The following TTLL12 variants were observed in gnomAD, a reference collection of about 807,000 sequenced individuals.
TTLL12 encodes the protein tubulin--tyrosine ligase-like protein 12.
In TTLL12, 77 loss-of-function variants were observed where a neutral mutation model predicts 79.6. The observed-to-expected ratio is 0.97, with a 90% CI of 0.81 to 1.17. The LOEUF is 1.17. TTLL12 is among the 50% of genes most tolerant of loss of function. TTLL12 has a pLI of 0.00. For missense variants in TTLL12, 969 were observed against 895.9 expected (o/e 1.08, Z -1.04); for synonymous variants, 437 against 376.1 (o/e 1.16, Z -1.87).
intron 11 of TTLL12, chr22:43,170,276 G>T: frequency 3.7e-6 from 1 of 272,992 alleles, no homozygotes; most frequent in Non-Finnish European, 7.2e-6. Context: ...GCCCTGCTGG[G>T]GGGTCTGGGT....
In TTLL12 at chr22:43,182,471, T is replaced by C. The variant is rs569299567; in HGVS notation, c.347+509A>G. Among the ~76,000 whole-genome samples, 18 of 152,282 alleles carry C rather than the reference T, an allele frequency of 1.2e-4. 1 individual carries two copies. The South Asian group carries it at 2.7e-3, about 23-fold the overall frequency. Reference sequence around the variant, plus strand: ...GGCAGATGGGCCTGCAGGCCTGACCTAGGGATAGCCACTCTTGGTCCCTGG... The same window carrying C: ...GGCAGATGGGCCTGCAGGCCTGACCCAGGGATAGCCACTCTTGGTCCCTGG... On this transcript the variant is annotated intron_variant, in intron 2 of 13. Transcript: ENST00000216129.
Position 43,179,660 on chromosome 22 carries a change from G to T in TTLL12, c.799C>A (p.Leu267Ile). 1 of 1,583,396 alleles carries T rather than the reference G, an allele frequency of 6.3e-7. No individual in the cohort carries two copies. Among genetic ancestry groups the T allele is most frequent in the Non-Finnish European group, 8.6e-7 (1 of 1,165,278 alleles). ...LPWAPTDMLD[L>I]SSCTPEPPAE... Reference sequence around the variant, plus strand: ...GGCGGCTCGGGTGTGCAAGAGCTGAGGTCCAGCATGTCGGTGGGGGCCCAG... The same window carrying T: ...GGCGGCTCGGGTGTGCAAGAGCTGATGTCCAGCATGTCGGTGGGGGCCCAG... The change falls in exon 5 of 14, where the codon CTC becomes ATC. Residue 267 changes from leucine to isoleucine, a missense_variant. Transcript: ENST00000216129.
At chr22:43,169,215 A>G (rs2147065586) in intron 12 of TTLL12, among the ~76,000 whole-genome samples, 1 of 152,280 alleles carries the variant, frequency 6.6e-6, no homozygotes, top group East Asian at 1.9e-4. Context: ...ACGTCTCCAT[A>G]TGACTGGGAA....
At chr22:43,169,898 C>T (rs1931721482) in intron 11 of TTLL12, 1 of 471,900 alleles carries the variant, frequency 2.1e-6, no homozygotes, top group Non-Finnish European at 4.2e-6. Flanking sequence ...GCTCCAGAAA[C>T]TGCAGGGCCT....
chr22:43,176,230 G>A (rs772819149), intron 6 of TTLL12, 90 bp downstream of exon 6: 5 of 976,646 alleles, frequency 5.1e-6, no homozygotes, highest in East Asian at 2.6e-5. Flanking sequence ...CACGTGCCAA[G>A]CACTGTTCTG....
intron 5 of TTLL12, 145 bp from the exon 6 acceptor site, chr22:43,176,541 C>A (rs1931918279): frequency 8.8e-6 from 6 of 678,418 alleles, no homozygotes; most frequent in Non-Finnish European, 1.6e-5. Context: ...ACCAGCCTGG[C>A]CAACATGGCA....
intron 10 of TTLL12, 49 bp downstream of exon 10, chr22:43,172,354 C>T (rs1308620447): frequency 6.2e-7 from 1 of 1,601,510 alleles, no homozygotes. Flanking sequence ...GCTACCTCCA[C>T]CCGGTCACCC....
intron 3 of TTLL12, among the ~76,000 whole-genome samples, chr22:43,180,499 G>GC (rs1297234827): frequency 6.6e-6 from 1 of 152,126 alleles, no homozygotes; most frequent in East Asian, 1.9e-4. Flanking sequence ...AATCAGGGGG[G>GC]CCAGGAAAGA....
intron 6 of TTLL12, chr22:43,175,333 A>G (rs899744229): frequency 1.2e-4 from 18 of 152,276 alleles, no homozygotes; most frequent in African/African-American, 3.9e-4. Context: ...TTAACTCAAC[A>G]GCCACACCTG....
chr22:43,176,645 G>A lies in TTLL12; in HGVS notation c.841-249C>T, dbSNP rs8139270. ...CTCGGGAGGCTGAGGCAGGAGAATC[G>A]CTTGAACCCGGGAGGCGGAGGTTGT... is the stretch of plus-strand genomic sequence containing the variant. On this transcript the variant is annotated intron_variant, in intron 5 of 13. Coordinates refer to ENST00000216129, the MANE Select transcript of TTLL12 (RefSeq NM_015140.4). Among the ~76,000 whole-genome samples, 448 of 146,842 alleles carry A rather than the reference G, an allele frequency of 3.1e-3. 2 individuals are homozygous for A. The highest frequency in any genetic ancestry group is 0.011 in the African/African-American group (419 of 39,742).
chr22:43,182,953 T>G (rs756211024), intron 2 of TTLL12, 27 bp downstream of exon 2: 13 of 1,606,282 alleles, frequency 8.1e-6, no homozygotes, highest in Non-Finnish European at 1.1e-5. Flanking sequence ...GTGAAGGTTG[T>G]GGTGGTGTCT....
chr22:43,179,326 C>A (rs912867148), intron 5 of TTLL12, among the ~76,000 whole-genome samples: 1 of 152,114 alleles, frequency 6.6e-6, no homozygotes, highest in Non-Finnish European at 1.5e-5. Flanking sequence ...GGGCTCATGG[C>A]CAAGACCAAC....
intron 11 of TTLL12, chr22:43,169,906 C>T (rs1931721770): frequency 2.1e-6 from 1 of 468,988 alleles, no homozygotes; most frequent in Admixed American, 2.3e-5. Context: ...AACTGCAGGG[C>T]CTGGGCTGGC....
Position 43,174,289 on chromosome 22 carries a change from G to C in TTLL12, c.1149C>G (p.Gly383=). The change falls in exon 8 of 14, where the codon GGC becomes GGG. Residue 383 remains glycine, a synonymous_variant. Coordinates refer to ENST00000216129, the MANE Select transcript of TTLL12 (RefSeq NM_015140.4). ...SIARRAGGPE[G]PPWLPRTFNL... ...TGAAGGTTCGGGGCAGCCAGGGTGG[G>C]CCCTCGGGGCCACCTGCCCGGCGCG... 1 of 1,610,982 alleles carries C rather than the reference G, an allele frequency of 6.2e-7. No homozygotes were observed. The highest frequency in any genetic ancestry group is 8.5e-7 in the Non-Finnish European group (1 of 1,179,500).
chr22:43,184,656 C>A lies in TTLL12; in HGVS notation c.178-1507G>T, dbSNP rs577621727. Among the ~76,000 whole-genome samples the A allele has an allele frequency of 7.2e-5, 11 of 152,352 alleles. No homozygotes were observed. The South Asian group carries it at 2.1e-3, about 29-fold the overall frequency. On this transcript the variant is annotated intron_variant, in intron 1 of 13. Coordinates refer to ENST00000216129, the MANE Select transcript of TTLL12 (RefSeq NM_015140.4). ...CCTCAAGGTGGGTCTGGGGAGGCTA[C>A]TGCCTTCTCCAGTTTAGGGCTGGGG...
intron 6 of TTLL12, among the ~76,000 whole-genome samples, chr22:43,176,006 A>C (rs1247384428): frequency 6.7e-6 from 1 of 148,336 alleles, no homozygotes; most frequent in Non-Finnish European, 1.5e-5. Flanking sequence ...GAGGTGTGAA[A>C]CCTGGGAGGT....
At position 43,167,847 on chromosome 22, in the gene TTLL12, G is replaced by C. The variant is rs1009783266; in HGVS notation, c.*161C>G. 2.4e-6 allele frequency: 2 copies of C among 842,336 alleles called. No homozygotes were observed. Among genetic ancestry groups the C allele is most frequent in the South Asian group, 1.7e-5 (1 of 59,394 alleles). The allele number at this position is 842,336 out of a possible 1,614,324, so 52.2% of individuals were successfully genotyped here. ...GGTGAGAGGAGGATGCTGTGCTCCC[G>C]GAGTGTGGCGCCGGGAGGATGGCTC... On this transcript the variant is annotated 3_prime_UTR_variant, in exon 14 of 14. Transcript: ENST00000216129.
intron 6 of TTLL12, 24 bp from the exon 7 acceptor site, chr22:43,174,639 T>A: frequency 6.5e-7 from 1 of 1,541,672 alleles, no homozygotes; most frequent in Non-Finnish European, 8.9e-7. Context: ...CCGAGCTGGG[T>A]GATCCCGGCT....
At chr22:43,171,958 G>A in intron 10 of TTLL12, 58 bp from the exon 11 acceptor site, 3 of 1,473,812 alleles carry the variant, frequency 2.0e-6, no homozygotes, top group Non-Finnish European at 2.8e-6. Flanking sequence ...CCCTGCGAGG[G>A]AGGTGCCACC....
Sources: allele counts gnomAD v4.1 joint callset (sites outside exome capture counted in the v4.1 genomes callset), GRCh38; gene constraint gnomAD v4.1.1; transcripts MANE v1.5; gene names NCBI Gene and HGNC (gene_info 2026-07-23, HGNC 2026-07-21).